DNAJC6: variants seen among roughly 807,000 people sequenced by gnomAD.
DNAJC6 encodes the protein DnaJ heat shock protein family (Hsp40) member C6.
DNAJC6 carries 34 observed loss-of-function variants against 110.0 expected under a neutral mutation model. That is an observed-to-expected ratio of 0.31 (90% CI 0.24 to 0.41). The LOEUF is 0.41. Among genes scored for constraint, DNAJC6 ranks in the 10% least tolerant of loss-of-function variants. DNAJC6 has a pLI of 1.00. For missense variants in DNAJC6, 1,031 were observed against 1,207.8 expected (o/e 0.85, Z 2.17); for synonymous variants, 406 against 437.2 (o/e 0.93, Z 0.89).
intron 1 of DNAJC6, among the ~76,000 whole-genome samples, chr1:65,334,845 G>A (rs1645320336): frequency 6.6e-6 from 1 of 152,106 alleles, no homozygotes; most frequent in Non-Finnish European, 1.5e-5. Flanking sequence ...AATGATGGTG[G>A]TGGTAACAAT....
chr1:65,288,567 C>A (rs547420855), intron 1 of DNAJC6, among the ~76,000 whole-genome samples: 1 of 152,092 alleles, frequency 6.6e-6, no homozygotes, highest in African/African-American at 2.4e-5. Context: ...ATTTTAAGTA[C>A]ACAGAAAAGT....
At chr1:65,272,488 C>T (rs1367784520) in intron 1 of DNAJC6, among the ~76,000 whole-genome samples, 6 of 152,118 alleles carry the variant, frequency 3.9e-5, no homozygotes, top group Admixed American at 3.9e-4. Flanking sequence ...CCTGTGATTT[C>T]CTTTTGTTGT....
intron 4 of DNAJC6, among the ~76,000 whole-genome samples, chr1:65,378,187 G>T (rs1645785109): frequency 6.6e-6 from 1 of 152,120 alleles, no homozygotes; most frequent in Non-Finnish European, 1.5e-5. Flanking sequence ...CCTCCTGACT[G>T]GTCTTCCTAC....
intron 1 of DNAJC6, among the ~76,000 whole-genome samples, chr1:65,343,179 A>G (rs1645405463): frequency 6.6e-6 from 1 of 152,178 alleles, no homozygotes; most frequent in South Asian, 2.1e-4. Flanking sequence ...ACTGCCTGAT[A>G]CACATTCCTC....
intron 5 of DNAJC6, among the ~76,000 whole-genome samples, chr1:65,383,657 C>T (rs913456891): frequency 1.3e-5 from 2 of 152,190 alleles, no homozygotes; most frequent in South Asian, 4.1e-4. Context: ...CCTCCTAATA[C>T]CATCACATTG....
At chr1:65,412,043 GA>G (rs1166383685) in intron 18 of DNAJC6, among the ~76,000 whole-genome samples, 2 of 152,160 alleles carry the variant, frequency 1.3e-5, no homozygotes, top group Non-Finnish European at 2.9e-5. Flanking sequence ...CTGGACAGAA[GA>G]AAACTCCTTT....
chr1:65,313,158 C>T (rs2101376408), intron 1 of DNAJC6, among the ~76,000 whole-genome samples: 1 of 152,020 alleles, frequency 6.6e-6, no homozygotes, highest in Middle Eastern at 3.4e-3. Context: ...GCTCAAATGA[C>T]CCTCCTGCCT....
chr1:65,313,420 T>C (rs1645120697), intron 1 of DNAJC6, among the ~76,000 whole-genome samples: 1 of 152,156 alleles, frequency 6.6e-6, no homozygotes, highest in African/African-American at 2.4e-5. Context: ...AGAGCTTTAG[T>C]TGAGGCTGAA....
chr1:65,324,801 A>T (rs927874571), intron 1 of DNAJC6, among the ~76,000 whole-genome samples: 4 of 152,174 alleles, frequency 2.6e-5, no homozygotes, highest in African/African-American at 7.2e-5. Context: ...AGTGGGGGGA[A>T]CTGTTACTGG....
chr1:65,294,283 T>C (rs1261164760), intron 1 of DNAJC6, among the ~76,000 whole-genome samples: 1 of 152,206 alleles, frequency 6.6e-6, no homozygotes, highest in African/African-American at 2.4e-5. Flanking sequence ...TTGATTTGGC[T>C]GTATTTCAGG....
At position 65,405,885 on chromosome 1, in the gene DNAJC6, C is replaced by A. The variant is rs1646070967; in HGVS notation, c.2243C>A (p.Ala748Asp). ...DLGTLGSSSF[A>D]SKPTTPTGLG... ...TTTTCTTTAGGTAGTTCTTCCTTTG[C>A]CAGCAAACCCACCACACCAACTGGA... Residue 748 changes from alanine (A) to aspartate (D), a missense_variant, in exon 16 of 19, where the codon GCC becomes GAC. Transcript: ENST00000371069. 1 of 1,601,744 alleles carries A rather than the reference C, an allele frequency of 6.2e-7. No homozygotes were observed. The highest frequency in any genetic ancestry group is 8.5e-7 in the Non-Finnish European group (1 of 1,173,554).
At chr1:65,388,500 C>G (rs1321172778) in intron 9 of DNAJC6, 85 bp downstream of exon 9, 1 of 1,233,180 alleles carries the variant, frequency 8.1e-7, no homozygotes, top group Non-Finnish European at 1.2e-6. Flanking sequence ...TGTAGCATAC[C>G]CTGGAATCCT....
chr1:65,329,800 C>G (rs1379085970), intron 1 of DNAJC6, among the ~76,000 whole-genome samples: 2 of 152,136 alleles, frequency 1.3e-5, no homozygotes, highest in Admixed American at 6.5e-5. Flanking sequence ...TTAGGTAGCT[C>G]TGGACTTTGG....
chr1:65,341,270 C>A (rs1453891496), intron 1 of DNAJC6, among the ~76,000 whole-genome samples: 1 of 152,130 alleles, frequency 6.6e-6, no homozygotes, highest in Non-Finnish European at 1.5e-5. Flanking sequence ...CTTTGGAAAC[C>A]AAACCCTTGC....
intron 1 of DNAJC6, among the ~76,000 whole-genome samples, chr1:65,330,034 A>C (rs1166794634): frequency 6.6e-6 from 1 of 152,172 alleles, no homozygotes; most frequent in African/African-American, 2.4e-5. Flanking sequence ...CTTGAGTCCA[A>C]AGAGAGAAGC....
At chr1:65,329,601 G>C (rs971401649) in intron 1 of DNAJC6, among the ~76,000 whole-genome samples, 14 of 151,974 alleles carry the variant, frequency 9.2e-5, no homozygotes, top group Non-Finnish European at 1.6e-4. Context: ...GTTCAGGATC[G>C]TGTAGCCAGA....
chr1:65,267,006 C>T (rs1459754420), intron 1 of DNAJC6, among the ~76,000 whole-genome samples: 3 of 152,054 alleles, frequency 2.0e-5, no homozygotes, highest in South Asian at 2.1e-4. Context: ...AAGCGATTCT[C>T]CTGCCTCAGC....
Position 65,415,770 on chromosome 1 carries a change from A to G in DNAJC6, c.*2745A>G, listed in dbSNP as rs1646165869. ...TTCAAGTTGAATCCTAATGCCGTGAATGAAACACAGTCTGTGTAGGGAATG... is the reference window on the plus strand; with the variant it reads ...TTCAAGTTGAATCCTAATGCCGTGAGTGAAACACAGTCTGTGTAGGGAATG... On this transcript the variant is annotated 3_prime_UTR_variant, in exon 19 of 19. Coordinates refer to ENST00000371069, the MANE Select transcript of DNAJC6 (RefSeq NM_001256864.2). The G allele has an allele frequency of 1.3e-5, 2 of 152,344 alleles. No homozygotes were observed. Among genetic ancestry groups the G allele is most frequent in the Middle Eastern group, 6.8e-3 (2 of 294 alleles). 9.4% of individuals were successfully genotyped at this position (152,344 alleles called of 1,614,324 possible).
intron 1 of DNAJC6, among the ~76,000 whole-genome samples, chr1:65,338,060 C>A (rs904825357): frequency 9.9e-5 from 15 of 152,076 alleles, no homozygotes; most frequent in African/African-American, 3.6e-4. Flanking sequence ...TTTCAAAGGG[C>A]TCTAGTTCCT....
Sources: gnomAD v4.1 joint callset for allele counts (sites outside exome capture counted in the v4.1 genomes callset) on GRCh38, gnomAD v4.1.1 for gene constraint, MANE v1.5 for transcripts, NCBI Gene and HGNC (gene_info 2026-07-23, HGNC 2026-07-21) for gene names.